Variants in EPC2 observed in about 807,000 individuals in gnomAD.
The protein encoded by EPC2 is enhancer of polycomb 2.
EPC2 carries 14 observed loss-of-function variants against 92.1 expected under a neutral mutation model. The ratio of observed to expected loss-of-function variants is 0.15; its 90% CI spans 0.10 to 0.24. EPC2 has a LOEUF of 0.24. EPC2 is among the 10% of genes least tolerant of loss of function. The pLI, the probability that EPC2 is intolerant of heterozygous loss-of-function variation, is 1.00. For synonymous variants in EPC2, 340 were observed against 334.7 expected (o/e 1.02, Z -0.17); for missense variants, 755 against 971.5 (o/e 0.78, Z 2.96).
Position 148,683,474 on chromosome 2 carries a change from G to A in EPC2, c.154-6740G>A, listed in dbSNP as rs1318097850. Among the ~76,000 whole-genome samples, 3 of 151,982 alleles carry A rather than the reference G, an allele frequency of 2.0e-5. No homozygotes were observed. In the East Asian group the frequency reaches 5.8e-4, roughly 29 times the overall value. Reference sequence around the variant, plus strand: ...GTAGAGACAGGGTTTCACCATGTTAGCCAGGATTGTCTCGATCTCCTGATC... The same window carrying A: ...GTAGAGACAGGGTTTCACCATGTTAACCAGGATTGTCTCGATCTCCTGATC... On this transcript the variant is annotated intron_variant, in intron 1 of 13. Coordinates refer to ENST00000258484, the MANE Select transcript of EPC2 (RefSeq NM_015630.4).
intron 2 of EPC2, among the ~76,000 whole-genome samples, chr2:148,711,677 G>C (rs1182860369): frequency 6.6e-6 from 1 of 152,046 alleles, no homozygotes; most frequent in African/African-American, 2.4e-5. Context: ...TCTGATAGAA[G>C]GCTATTAAAA....
At chr2:148,735,035 G>A (rs1332369341) in intron 2 of EPC2, among the ~76,000 whole-genome samples, 1 of 151,550 alleles carries the variant, frequency 6.6e-6, no homozygotes, top group Non-Finnish European at 1.5e-5. Context: ...TAAATATTTT[G>A]TACAAATATA....
chr2:148,672,586 G>A (rs190739459), intron 1 of EPC2, among the ~76,000 whole-genome samples: 107 of 152,164 alleles, frequency 7.0e-4, no homozygotes, highest in Middle Eastern at 3.4e-3. Flanking sequence ...ATTTATTTTT[G>A]TATACAAAAA....
At chr2:148,659,394 T>C (rs1488955421) in intron 1 of EPC2, among the ~76,000 whole-genome samples, 1 of 152,160 alleles carries the variant, frequency 6.6e-6, no homozygotes, top group Non-Finnish European at 1.5e-5. Context: ...ATAGTTAATC[T>C]TCATTGCATG....
intron 1 of EPC2, among the ~76,000 whole-genome samples, chr2:148,659,990 C>G (rs745919721): frequency 6.6e-6 from 1 of 151,934 alleles, no homozygotes; most frequent in African/African-American, 2.4e-5. Context: ...TTTGGAAATA[C>G]CTACTCTTCC....
chr2:148,736,890 A>G (rs116356385), intron 2 of EPC2, among the ~76,000 whole-genome samples: 2,132 of 151,890 alleles, frequency 0.014, 46 homozygotes, highest in African/African-American at 0.048. Context: ...GCTTCAGCCT[A>G]GGAGTTCAAA....
intron 1 of EPC2, among the ~76,000 whole-genome samples, chr2:148,669,614 C>T (rs560513459): frequency 4.6e-5 from 7 of 152,126 alleles, no homozygotes; most frequent in South Asian, 2.1e-4. Context: ...CCCAGGGGAT[C>T]GAGGCTGCAG....
chr2:148,707,203 CT>C (rs933313277), intron 2 of EPC2, among the ~76,000 whole-genome samples: 1 of 152,128 alleles, frequency 6.6e-6, no homozygotes, highest in Non-Finnish European at 1.5e-5. Context: ...CAATCCTAGT[CT>C]CCGATAAAAC....
chr2:148,697,080 T>C (rs1470572805), intron 2 of EPC2, among the ~76,000 whole-genome samples: 1 of 152,236 alleles, frequency 6.6e-6, no homozygotes, highest in Non-Finnish European at 1.5e-5. Flanking sequence ...GGACAGATAA[T>C]GTATTTCTCC....
Position 148,762,674 on chromosome 2 carries a change from C to T in EPC2, c.820C>T (p.His274Tyr). 6.3e-7 allele frequency: 1 copy of T among 1,592,192 alleles called. No individual in the cohort carries two copies. The highest frequency in any genetic ancestry group is 8.5e-7 in the Non-Finnish European group (1 of 1,169,858). Residue 274 changes from histidine (H) to tyrosine (Y), a missense_variant, in exon 6 of 14, where the codon CAT (histidine) becomes TAT (tyrosine). By Grantham distance (83) the His-to-Tyr change is moderately conservative (BLOSUM62 2). This residue lies in a region of EPC2 where 509 missense variants were observed against 607.7 expected (regional missense o/e 0.84). Coordinates refer to ENST00000258484, the MANE Select transcript of EPC2 (RefSeq NM_015630.4). ...LTLEVVEKRYHLGDYGGEILN... is the reference protein window; with the variant it reads ...LTLEVVEKRYYLGDYGGEILN... ...TATTTTTGTTACCTTTTCAAGATAC[C>T]ATTTGGGAGACTATGGTGGTGAAAT...
Position 148,785,010 on chromosome 2 carries a change from G to T in EPC2, c.2351+9G>T, listed in dbSNP as rs183440232. On this transcript the variant is annotated intron_variant, in intron 13 of 13. Coordinates refer to ENST00000258484, the MANE Select transcript of EPC2 (RefSeq NM_015630.4). ...ATCAGCAGCATAGCAAGGTGTGTGT[G>T]TGTGTTTCAGTGATTTTTCTCCCTT... 53 of 1,478,254 alleles carry T rather than the reference G, an allele frequency of 3.6e-5. No individual in the cohort carries two copies. The highest frequency in any genetic ancestry group is 2.1e-4 in the Admixed American group (8 of 38,294). The allele number at this position is 1,478,254 out of a possible 1,614,324, so 91.6% of individuals were successfully genotyped here.
intron 4 of EPC2, among the ~76,000 whole-genome samples, chr2:148,754,597 T>C (rs1483528327): frequency 4.6e-5 from 7 of 152,162 alleles, no homozygotes; most frequent in African/African-American, 1.7e-4. Flanking sequence ...GGAAACCATA[T>C]TGTAGTTCTT....
chr2:148,659,618 G>A (rs1466947184), intron 1 of EPC2, among the ~76,000 whole-genome samples: 3 of 152,072 alleles, frequency 2.0e-5, no homozygotes, highest in South Asian at 4.2e-4. Flanking sequence ...AGGCACTCTG[G>A]CTTATGCTTG....
intron 2 of EPC2, among the ~76,000 whole-genome samples, chr2:148,736,897 CA>C (rs1207559108): frequency 1.4e-5 from 2 of 146,966 alleles, no homozygotes; most frequent in South Asian, 2.1e-4. Context: ...CCTAGGAGTT[CA>C]AAAGCAGCCT....
chr2:148,785,155 A>T (rs767995677), intron 13 of EPC2, among the ~76,000 whole-genome samples, 154 bp downstream of exon 13: 6 of 152,132 alleles, frequency 3.9e-5, no homozygotes, highest in Non-Finnish European at 5.9e-5. Flanking sequence ...TCTGTGACTT[A>T]GGTATTTGTT....
intron 2 of EPC2, among the ~76,000 whole-genome samples, chr2:148,705,205 A>G (rs937473346): frequency 3.3e-5 from 5 of 152,198 alleles, no homozygotes; most frequent in Admixed American, 2.6e-4. Flanking sequence ...GAACTGGCCA[A>G]ACAGTACATC....
intron 10 of EPC2, among the ~76,000 whole-genome samples, chr2:148,777,618 T>C (rs1160504094): frequency 6.6e-6 from 1 of 152,194 alleles, no homozygotes; most frequent in Admixed American, 6.5e-5. Flanking sequence ...ATAATCATTA[T>C]GTTAGTGTAA....
At chr2:148,732,921 A>G (rs993695384) in intron 2 of EPC2, among the ~76,000 whole-genome samples, 1 of 150,010 alleles carries the variant, frequency 6.7e-6, no homozygotes, top group Non-Finnish European at 1.5e-5. Context: ...TATAATGGTC[A>G]ATTCTAAATA....
intron 1 of EPC2, among the ~76,000 whole-genome samples, chr2:148,672,596 A>C (rs1276494255): frequency 6.6e-6 from 1 of 152,176 alleles, no homozygotes; most frequent in African/African-American, 2.4e-5. Context: ...GTATACAAAA[A>C]CTATGCCTTT....
Sources: allele counts gnomAD v4.1 joint callset (sites outside exome capture counted in the v4.1 genomes callset), GRCh38; gene constraint gnomAD v4.1.1; regional missense constraint gnomAD v4.1.1; transcripts MANE v1.5; gene names NCBI Gene and HGNC (gene_info 2026-07-23, HGNC 2026-07-21).